CIZ1: variants seen among roughly 807,000 people sequenced by gnomAD.
The protein encoded by CIZ1 is CDKN1A interacting zinc finger protein 1.
CIZ1 carries 58 observed loss-of-function variants against 118.6 expected under a neutral mutation model. The observed-to-expected ratio is 0.49, with a 90% CI of 0.40 to 0.61. CIZ1 has a LOEUF of 0.61. CIZ1 is among the 20% of genes least tolerant of loss of function. The pLI, the probability that CIZ1 is intolerant of heterozygous loss-of-function variation, is 0.00. For synonymous variants in CIZ1, 448 were observed against 443.4 expected, an observed-to-expected ratio of 1.01 and a Z score of -0.13; for missense variants, 921 against 1,115.9, an observed-to-expected ratio of 0.83 and a Z score of 2.49.
At chr9:128,198,969 C>T (rs976070470) in intron 1 of CIZ1, among the ~76,000 whole-genome samples, 9 of 152,120 alleles carry the variant, frequency 5.9e-5, no homozygotes, top group Non-Finnish European at 1.2e-4. Flanking sequence ...CACTGACAAC[C>T]GTCTACATCT....
chr9:128,190,256 G>A, intron 3 of CIZ1, 73 bp downstream of exon 3: 1 of 1,063,648 alleles, frequency 9.4e-7, no homozygotes, highest in Non-Finnish European at 1.4e-6. Context: ...GTGTGGAGTT[G>A]AGATTTAGAG....
At position 128,180,453 on chromosome 9, in the gene CIZ1, A is replaced by G. The variant is rs141865614; in HGVS notation, c.753T>C (p.Pro251=). The change falls in exon 7 of 17, where the codon CCT becomes CCC. Residue 251 remains proline, a synonymous_variant. Coordinates refer to ENST00000372938, the MANE Select transcript of CIZ1 (RefSeq NM_001131016.2). ...EKRTPAPEPE[P]CEASELPAKR... Reference sequence around the variant, plus strand: ...TTGCTGGCAGCTCGGACGCCTCACAAGGCTCAGGCTCAGGTGCTGGAGTGC... The same window carrying G: ...TTGCTGGCAGCTCGGACGCCTCACAGGGCTCAGGCTCAGGTGCTGGAGTGC... 290 of 1,614,058 alleles carry G rather than the reference A, an allele frequency of 1.8e-4. No individual in the cohort carries two copies. The African/African-American group carries it at 3.5e-3, about 20-fold the overall frequency.
At chr9:128,183,687 G>A (rs187514957) in intron 5 of CIZ1, among the ~76,000 whole-genome samples, 204 of 152,334 alleles carry the variant, frequency 1.3e-3, no homozygotes, top group Non-Finnish European at 1.3e-3. Context: ...ACCTATAGCC[G>A]GCAACAGCGT....
chr9:128,201,756 T>G (rs1204228762), intron 1 of CIZ1, among the ~76,000 whole-genome samples: 1 of 152,230 alleles, frequency 6.6e-6, no homozygotes, highest in Non-Finnish European at 1.5e-5. Context: ...GCATTTGATC[T>G]ATTATTATCC....
upstream of CIZ1, among the ~76,000 whole-genome samples, chr9:128,192,927 G>T (rs1206562431): frequency 6.6e-6 from 1 of 152,186 alleles, no homozygotes; most frequent in East Asian, 1.9e-4. Context: ...TGCCTTCCGC[G>T]CCGACGTTGG....
chr9:128,201,571 C>T (rs1833517825), intron 1 of CIZ1, among the ~76,000 whole-genome samples: 1 of 152,238 alleles, frequency 6.6e-6, no homozygotes, highest in Admixed American at 6.5e-5. Context: ...CCATCTCTGC[C>T]TTCTCTTGTC....
At chr9:128,194,136 C>T (rs193158452), upstream of CIZ1, among the ~76,000 whole-genome samples, 39 of 151,636 alleles carry the variant, frequency 2.6e-4, no homozygotes, top group East Asian at 6.9e-3. Context: ...CTGAAGCAGG[C>T]GGATCACCTG....
In CIZ1 at chr9:128,203,332, C is replaced by A. The variant is rs1445976170; in HGVS notation, c.-6+854G>T. 5 of 743,244 alleles carry A rather than the reference C, an allele frequency of 6.7e-6. No homozygotes were observed. Among genetic ancestry groups the A allele is most frequent in the Non-Finnish European group, 8.8e-6 (5 of 566,888 alleles). The allele number at this position is 743,244 out of a possible 1,614,324, so 46.0% of individuals were successfully genotyped here. A position where few individuals can be genotyped will look rare whatever the true frequency, so the allele number is the denominator to read the frequency against. ...GGCTCCCCCTAGCGGCGTCCGGGAGCGGTGCTCGCTCCGATCCCCGAGGGG... is the reference window on the plus strand; with the variant it reads ...GGCTCCCCCTAGCGGCGTCCGGGAGAGGTGCTCGCTCCGATCCCCGAGGGG... On this transcript the variant is annotated intron_variant, in intron 1 of 17. Coordinates refer to the CIZ1 transcript ENST00000372948. The surrounding 1 kb of genome is among the most constrained non-coding windows in gnomAD (Gnocchi z 5.3).
At chr9:128,200,354 GA>G (rs1337961298) in intron 1 of CIZ1, among the ~76,000 whole-genome samples, 1 of 151,714 alleles carries the variant, frequency 6.6e-6, no homozygotes, top group Non-Finnish European at 1.5e-5. Context: ...AATTAGGGGG[GA>G]AAAAGTAAAA....
In CIZ1 at chr9:128,189,867, T is replaced by C. The variant is rs989821854; in HGVS notation, c.286+462A>G. ...AAAAAAAAAAAAAAAAGGAGCAGCA[T>C]CTTGGAAGGAAGAGCTGAGACTGCT... On this transcript the variant is annotated intron_variant, in intron 3 of 16. Transcript: ENST00000372938. 2.4e-5 allele frequency among the ~76,000 whole-genome samples: 3 copies of C among 127,310 alleles called. No individual in the cohort carries two copies. In the Admixed American group the frequency reaches 2.5e-4, roughly 11 times the overall value. The allele number at this position is 127,310 out of a possible 152,430, so 83.5% of individuals were successfully genotyped here.
At chr9:128,173,891 A>G (rs1830502543) in intron 11 of CIZ1, among the ~76,000 whole-genome samples, 1 of 152,110 alleles carries the variant, frequency 6.6e-6, no homozygotes, top group East Asian at 1.9e-4. Flanking sequence ...CTGTAGTCCC[A>G]GCTACTCGGG....
In CIZ1 at chr9:128,178,432, C is replaced by A; in HGVS notation, c.1557G>T (p.Gln519His). ...CATCTAGGCCACAGGCCGACTCATTCTGAATCTCTTCCATGCTGACTTGGG... is the reference window on the plus strand; with the variant it reads ...CATCTAGGCCACAGGCCGACTCATTATGAATCTCTTCCATGCTGACTTGGG... Reference protein sequence around the residue: ...VGTQVSMEEIQNESACGLDVG... With the variant: ...VGTQVSMEEIHNESACGLDVG... The change falls in exon 9 of 17, where the codon CAG becomes CAT. Residue 519 changes from glutamine (Q) to histidine (H), a missense_variant. Gln to His is a conservative substitution (Grantham distance 24). Transcript: ENST00000372938. 6.2e-7 allele frequency: 1 copy of A among 1,614,118 alleles called. No homozygotes were observed. Among genetic ancestry groups the A allele is most frequent in the Non-Finnish European group, 8.5e-7 (1 of 1,180,008 alleles).
Position 128,179,499 on chromosome 9 carries a change from G to A in CIZ1, c.792-84C>T, listed in dbSNP as rs72756854. On this transcript the variant is annotated intron_variant, in intron 7 of 16. Transcript: ENST00000372938. ...AAGTAAGGCCAAAACTAGGCCGAGC[G>A]TGGTGGCTCGCATCTGTAAACCCAG... is the stretch of plus-strand genomic sequence containing the variant. 2.4e-3 allele frequency: 3,026 copies of A among 1,268,852 alleles called. 19 individuals are homozygous for A. The highest frequency in any genetic ancestry group is 0.018 in the Middle Eastern group (87 of 4,754). The allele number at this position is 1,268,852 out of a possible 1,614,324, so 78.6% of individuals were successfully genotyped here. A position where few individuals can be genotyped will look rare whatever the true frequency, so the allele number is the denominator to read the frequency against.
intron 12 of CIZ1, 60 bp downstream of exon 12, chr9:128,169,960 G>A (rs1429750164): frequency 3.9e-5 from 57 of 1,474,000 alleles, no homozygotes; most frequent in Non-Finnish European, 5.4e-5. Flanking sequence ...GCTCTGTGTT[G>A]TCTGGACTCC....
In CIZ1 at chr9:128,176,421, G is replaced by C; in HGVS notation, c.1873C>G (p.Gln625Glu). ...PQHQQRLGEI[Q>E]HMSQACLLSL... ...AGGAGGCAGGCTTGGCTCATGTGCT[G>C]GATCTCCCCTAGCCGCTGCTGGTGC... The change falls in exon 11 of 17, where the codon CAG (glutamine) becomes GAG (glutamate). Residue 625 changes from glutamine to glutamate, a missense_variant. Gln to Glu is a conservative substitution (Grantham distance 29, BLOSUM62 2). Coordinates refer to ENST00000372938, the MANE Select transcript of CIZ1 (RefSeq NM_001131016.2). The C allele has an allele frequency of 6.2e-7, 1 of 1,614,020 alleles. No individual in the cohort carries two copies.
intron 8 of CIZ1, 68 bp downstream of exon 8, chr9:128,178,641 G>A: frequency 1.3e-6 from 2 of 1,581,662 alleles, no homozygotes; most frequent in Middle Eastern, 1.8e-4. Flanking sequence ...ACCCAGTCAG[G>A]GGAGGAATGA....
At chr9:128,174,254 C>G (rs1830589533) in intron 11 of CIZ1, among the ~76,000 whole-genome samples, 1 of 152,190 alleles carries the variant, frequency 6.6e-6, no homozygotes, top group Non-Finnish European at 1.5e-5. Context: ...AACACCTTAT[C>G]CCTGGCCAGG....
intron 10 of CIZ1, among the ~76,000 whole-genome samples, chr9:128,176,827 T>C (rs1163737632): frequency 6.6e-6 from 1 of 152,200 alleles, no homozygotes; most frequent in Non-Finnish European, 1.5e-5. Flanking sequence ...ACACTCACTT[T>C]GGGCCAGGCC....
intron 5 of CIZ1, among the ~76,000 whole-genome samples, chr9:128,182,331 G>A (rs1414964353): frequency 1.3e-5 from 2 of 152,094 alleles, no homozygotes; most frequent in Non-Finnish European, 2.9e-5. Flanking sequence ...GAGACGCACC[G>A]ACCCTGTGGG....
Sources: allele counts gnomAD v4.1 joint callset (sites outside exome capture counted in the v4.1 genomes callset), GRCh38; gene constraint gnomAD v4.1.1; non-coding constraint Gnocchi (gnomAD v3.1); transcripts MANE v1.5; gene names NCBI Gene and HGNC (gene_info 2026-07-23, HGNC 2026-07-21).